The following APAF1 variants were observed in gnomAD, a reference collection of about 807,000 sequenced individuals.
The protein encoded by APAF1 is apoptotic protease-activating factor 1.
Under a neutral mutation model 152.4 loss-of-function variants are expected in APAF1, and 91 were observed. That is an observed-to-expected ratio of 0.60 (90% CI 0.50 to 0.71). APAF1 has a LOEUF of 0.71. Among genes scored for constraint, APAF1 ranks in the 30% least tolerant of loss-of-function variants. The pLI, the probability that APAF1 is intolerant of heterozygous loss-of-function variation, is 0.00. For synonymous variants in APAF1, 484 were observed against 494.1 expected, an observed-to-expected ratio of 0.98 and a Z score of 0.27; for missense variants, 1,283 against 1,472.0, an observed-to-expected ratio of 0.87 and a Z score of 2.10.
At chr12:98,729,888 TAAAC>T (rs958100696) in intron 26 of APAF1, among the ~76,000 whole-genome samples, 3 of 152,168 alleles carry the variant, frequency 2.0e-5, no homozygotes, top group African/African-American at 7.2e-5. Flanking sequence ...AAAATACAGA[TAAAC>T]AAAAGGAGTA....
intron 16 of APAF1, among the ~76,000 whole-genome samples, chr12:98,695,788 A>G (rs1335338276): frequency 6.6e-6 from 1 of 152,140 alleles, no homozygotes; most frequent in Non-Finnish European, 1.5e-5. Flanking sequence ...CTTCACCTTT[A>G]TCAGAAGGTA....
At position 98,725,548 on chromosome 12, in the gene APAF1, G is replaced by C. The variant is rs753009072; in HGVS notation, c.3456+8G>C. On this transcript the variant is annotated splice_region_variant and intron_variant, in intron 25 of 26. Coordinates refer to ENST00000551964, the MANE Select transcript of APAF1 (RefSeq NM_181861.2). ...GACAATGGAGAAATCAGGGTAGGCT[G>C]TTTGCTGACATGAGAGCACTGCTCT... The C allele has an allele frequency of 3.1e-6, 5 of 1,614,060 alleles. No individual in the cohort carries two copies. In the Admixed American group the frequency reaches 8.3e-5, roughly 27 times the overall value.
intron 4 of APAF1, among the ~76,000 whole-genome samples, chr12:98,654,510 C>CA (rs1395658920): frequency 1.3e-5 from 2 of 152,110 alleles, no homozygotes; most frequent in Non-Finnish European, 2.9e-5. Flanking sequence ...TGCCTCTTGA[C>CA]AGTCCCCCTG....
At chr12:98,646,869 G>C (rs995306172) in intron 1 of APAF1, among the ~76,000 whole-genome samples, 4 of 152,184 alleles carry the variant, frequency 2.6e-5, no homozygotes, top group African/African-American at 9.7e-5. Flanking sequence ...CTCCTGGTCT[G>C]AGAAATCACA....
intron 7 of APAF1, 143 bp from the exon 8 acceptor site, chr12:98,665,410 G>A (rs1251363527): frequency 4.3e-6 from 3 of 692,328 alleles, no homozygotes; most frequent in Non-Finnish European, 7.7e-6. Context: ...ATATCTAGAA[G>A]TGAAGTCAAG....
At chr12:98,716,390 A>G (rs148115333) in intron 22 of APAF1, among the ~76,000 whole-genome samples, 62 of 152,314 alleles carry the variant, frequency 4.1e-4, no homozygotes, top group Middle Eastern at 3.4e-3. Context: ...TCCTGTTACT[A>G]TGATCACTGT....
chr12:98,714,203 A>G (rs1305468050), intron 21 of APAF1, among the ~76,000 whole-genome samples: 6 of 152,188 alleles, frequency 3.9e-5, no homozygotes, highest in Admixed American at 2.0e-4. Context: ...TTTACCATCT[A>G]TCTTAAAATA....
At chr12:98,716,537 G>A (rs996441074) in intron 22 of APAF1, among the ~76,000 whole-genome samples, 2 of 152,142 alleles carry the variant, frequency 1.3e-5, no homozygotes, top group East Asian at 3.8e-4. Context: ...CAAAGTTCAC[G>A]TTGAAAAGTC....
chr12:98,735,107 G>A lies in APAF1; in HGVS notation c.*2541G>A. On this transcript the variant is annotated 3_prime_UTR_variant, in exon 27 of 27. Transcript: ENST00000551964. ...AAAAGAAAAATGGGAAGAAAGACAA[G>A]GTAACATGAAGAAAGAAGAGATACC... 1 of 398,434 alleles carries A rather than the reference G, an allele frequency of 2.5e-6. No individual in the cohort carries two copies. The highest frequency in any genetic ancestry group is 4.4e-6 in the Non-Finnish European group (1 of 226,000). 24.7% of individuals were successfully genotyped at this position (398,434 alleles called of 1,614,324 possible). A position where few individuals can be genotyped will look rare whatever the true frequency, so the allele number is the denominator to read the frequency against.
rs765394902 is a variant in APAF1, at chr12:98,671,131, T to G, written c.1608+45T>G. On this transcript the variant is annotated intron_variant, in intron 11 of 26. Coordinates refer to ENST00000551964, the MANE Select transcript of APAF1 (RefSeq NM_181861.2). ...AAATTAGTGCTAAAAAGGAATCTCA[T>G]TTTTTTTTACATTTAATTCTAGATT... The G allele has an allele frequency of 3.7e-6, 4 of 1,074,460 alleles. No homozygotes were observed. In the Admixed American group the frequency reaches 7.5e-5, roughly 20 times the overall value. The allele number at this position is 1,074,460 out of a possible 1,614,324, so 66.6% of individuals were successfully genotyped here. A position where few individuals can be genotyped will look rare whatever the true frequency, so the allele number is the denominator to read the frequency against.
intron 22 of APAF1, among the ~76,000 whole-genome samples, chr12:98,718,139 C>G (rs1279305157): frequency 6.6e-6 from 1 of 152,168 alleles, no homozygotes; most frequent in African/African-American, 2.4e-5. Flanking sequence ...TTCAGAGATT[C>G]TTCTTTCTAG....
rs2097674582 is a variant in APAF1, at chr12:98,667,538, A to C, written c.1388A>C (p.Gln463Pro). 2 of 1,613,930 alleles carry C rather than the reference A, an allele frequency of 1.2e-6. No homozygotes were observed. The highest frequency in any genetic ancestry group is 1.7e-6 in the Non-Finnish European group (2 of 1,180,008). ...LQDLHKKIIT[Q>P]FQRYHQPHTL... is the part of the protein sequence containing the mutation. ...GATCTACATAAGAAGATAATCACTC[A>C]GTTTCAGAGATATCACCAGCCGCAT... Residue 463 changes from glutamine to proline, a missense_variant, in exon 10 of 27, where the codon CAG becomes CCG. Physicochemically the swap from Gln to Pro is moderately conservative, Grantham distance 76. Coordinates refer to ENST00000551964, the MANE Select transcript of APAF1 (RefSeq NM_181861.2).
chr12:98,680,049 C>A (rs536987934), intron 13 of APAF1, among the ~76,000 whole-genome samples: 1 of 152,328 alleles, frequency 6.6e-6, no homozygotes, highest in African/African-American at 2.4e-5. Flanking sequence ...CCCCAAAGAT[C>A]CTGTAACATT....
At chr12:98,718,364 C>T (rs1442150783) in intron 22 of APAF1, among the ~76,000 whole-genome samples, 1 of 152,084 alleles carries the variant, frequency 6.6e-6, no homozygotes, top group African/African-American at 2.4e-5. Context: ...TCCTGAGTAG[C>T]TGGGATTACA....
Position 98,648,895 on chromosome 12 carries a change from A to G in APAF1, c.328+80A>G, listed in dbSNP as rs1196210617. On this transcript the variant is annotated intron_variant, in intron 3 of 26. Transcript: ENST00000551964. ...TCTTATTGTAGATGTAATCTTTTGA[A>G]GAGAGTGTGACCAGTTCACTGAAAA... 6 of 1,314,386 alleles carry G rather than the reference A, an allele frequency of 4.6e-6. No homozygotes were observed. The Admixed American group carries it at 6.7e-5, about 15-fold the overall frequency. 81.4% of individuals were successfully genotyped at this position (1,314,386 alleles called of 1,614,324 possible). A position where few individuals can be genotyped will look rare whatever the true frequency, so the allele number is the denominator to read the frequency against.
At chr12:98,727,909 G>A (rs975610666) in intron 26 of APAF1, among the ~76,000 whole-genome samples, 7 of 151,220 alleles carry the variant, frequency 4.6e-5, no homozygotes, top group Non-Finnish European at 7.4e-5. Context: ...CCATTGCACT[G>A]CAGCCTAGGC....
At chr12:98,694,631 T>C (rs1389351509) in intron 16 of APAF1, among the ~76,000 whole-genome samples, 5 of 152,156 alleles carry the variant, frequency 3.3e-5, no homozygotes, top group Admixed American at 3.3e-4. Context: ...ATGGATGCAG[T>C]ATCTTTTATC....
Position 98,677,159 on chromosome 12 carries a change from A to G in APAF1, c.1794-266A>G, listed in dbSNP as rs118113879. On this transcript the variant is annotated intron_variant, in intron 12 of 26. Coordinates refer to ENST00000551964, the MANE Select transcript of APAF1 (RefSeq NM_181861.2). ...TAACTAGATTTGATTAATTTGATTA[A>G]TTAGATTTCTTCCAACTCAGTGACA... Among the ~76,000 whole-genome samples, 13 of 152,330 alleles carry G rather than the reference A, an allele frequency of 8.5e-5. No homozygotes were observed. The East Asian group carries it at 2.1e-3, about 25-fold the overall frequency.
chr12:98,655,721 C>T (rs1014973067), intron 4 of APAF1, among the ~76,000 whole-genome samples: 1 of 152,054 alleles, frequency 6.6e-6, no homozygotes, highest in African/African-American at 2.4e-5. Context: ...TCAGGTCATC[C>T]TCCCACCTCA....
Sources: allele counts gnomAD v4.1 joint callset (sites outside exome capture counted in the v4.1 genomes callset), GRCh38; gene constraint gnomAD v4.1.1; transcripts MANE v1.5; gene names NCBI Gene and HGNC (gene_info 2026-07-23, HGNC 2026-07-21).